The following CCDC51 variants were observed in gnomAD, a reference collection of about 807,000 sequenced individuals.
CCDC51 encodes the protein coiled-coil domain containing 51.
CCDC51 carries 25 observed loss-of-function variants against 24.8 expected under a neutral mutation model. That is an observed-to-expected ratio of 1.01 (90% CI 0.73 to 1.41). The LOEUF (loss-of-function observed/expected upper bound fraction) is 1.41, where lower values mean the gene tolerates loss of function less well. Among genes scored for constraint, CCDC51 ranks in the 40% most tolerant of loss-of-function variants. The pLI, the probability that CCDC51 is intolerant of heterozygous loss-of-function variation, is 0.00. For missense variants in CCDC51, 466 were observed against 519.1 expected (o/e 0.90, Z 0.99); for synonymous variants, 190 against 204.3 (o/e 0.93, Z 0.60).
At chr3:48,441,088 T>G (rs143584677), upstream of CCDC51, 64 of 161,108 alleles carry the variant, frequency 4.0e-4, no homozygotes, top group African/African-American at 1.5e-3. Flanking sequence ...TGATCCCGGC[T>G]CACTGCAACC....
At chr3:48,440,243 G>C, upstream of CCDC51, 1 of 1,566,142 alleles carries the variant, frequency 6.4e-7, no homozygotes, top group Non-Finnish European at 8.6e-7. Context: ...GACAAAGGGT[G>C]GGGCAGACGC....
At chr3:48,438,752 G>C (rs1193726809) in intron 1 of CCDC51, among the ~76,000 whole-genome samples, 1 of 152,202 alleles carries the variant, frequency 6.6e-6, no homozygotes, top group Admixed American at 6.5e-5. Context: ...TTTATTGTCA[G>C]TCGAGCAGTC....
At chr3:48,439,572 C>G (rs1165904600) in intron 1 of CCDC51, among the ~76,000 whole-genome samples, 1 of 151,726 alleles carries the variant, frequency 6.6e-6, no homozygotes, top group Non-Finnish European at 1.5e-5. Flanking sequence ...GCAGAGGTTG[C>G]AGTGAGCCAA....
rs2039233034 is a variant in CCDC51 at position 48,433,020 on chromosome 3, T to G, written c.624A>C (p.Ser208=). 1.2e-6 allele frequency: 2 copies of G among 1,614,100 alleles called. No individual in the cohort carries two copies. Among genetic ancestry groups the G allele is most frequent in the Non-Finnish European group, 1.7e-6 (2 of 1,180,046 alleles). The change falls in exon 4 of 4, where the codon TCA becomes TCC. Residue 208 remains serine, a synonymous_variant. Transcript: ENST00000395694. This position sits in a 1 kb window ranked among gnomAD's most constrained non-coding sequence, Gnocchi z 4.4. ...ERTKNWSLIG[S]VLGALIGVAG... is the part of the protein sequence containing the mutation. ...CCACACCAATCAGGGCCCCCAGGAC[T>G]GAGCCAATGAGGGACCAGTTCTTGG...
Position 48,432,353 on chromosome 3 carries a change from C to A in CCDC51, c.*55G>T. 6.3e-7 allele frequency: 1 copy of A among 1,596,206 alleles called. No individual in the cohort carries two copies. The highest frequency in any genetic ancestry group is 1.1e-5 in the South Asian group (1 of 89,058). ...CTCGCTTCATTGCTACGATTCTCTA[C>A]TTAAATCCACATTCACAGCTATTGC... is the stretch of plus-strand genomic sequence containing the variant. On this transcript the variant is annotated 3_prime_UTR_variant, in exon 4 of 4. Transcript: ENST00000395694.
chr3:48,442,022 C>G (rs1164462377), upstream of CCDC51, among the ~76,000 whole-genome samples: 1 of 101,386 alleles, frequency 9.9e-6, no homozygotes, highest in African/African-American at 3.5e-5. Flanking sequence ...TTATTTAAGG[C>G]TAGGAGTTCA....
At chr3:48,444,660 T>C (rs926984666), upstream of CCDC51, among the ~76,000 whole-genome samples, 3 of 152,226 alleles carry the variant, frequency 2.0e-5, no homozygotes, top group Non-Finnish European at 4.4e-5. Context: ...CATCTGTTCA[T>C]GTAAGGCGTC....
rs1366585120 is a variant in CCDC51 at position 48,432,457 on chromosome 3, G to A, written c.1187C>T (p.Thr396Ile). Residue 396 changes from threonine (T) to isoleucine (I), a missense_variant, in exon 4 of 4, where the codon ACA (threonine) becomes ATA (isoleucine). Physicochemically the swap from Thr to Ile is moderately conservative, Grantham distance 89. Transcript: ENST00000395694. Reference protein sequence around the residue: ...TIYSTLVTCVTFVATLPVLYM... With the variant: ...TIYSTLVTCVIFVATLPVLYM... Reference sequence around the variant, plus strand: ...GAGCACAGGCAGTGTGGCCACAAATGTCACACAGGTGACCAGGGTGCTATA... The same window carrying A: ...GAGCACAGGCAGTGTGGCCACAAATATCACACAGGTGACCAGGGTGCTATA... 3 of 1,614,244 alleles carry A rather than the reference G, an allele frequency of 1.9e-6. No individual in the cohort carries two copies. Among genetic ancestry groups the A allele is most frequent in the East Asian group, 2.2e-5 (1 of 44,892 alleles).
upstream of CCDC51, chr3:48,445,112 G>T (rs954413448): frequency 6.6e-6 from 1 of 152,282 alleles, no homozygotes; most frequent in Non-Finnish European, 1.5e-5. Context: ...GTTCGAGGCT[G>T]CAGTGAGCCA....
Position 48,437,118 on chromosome 3 carries a change from C to T in CCDC51, c.-8-1982G>A, listed in dbSNP as rs2039378855. Among the ~76,000 whole-genome samples, 2 of 152,238 alleles carry T rather than the reference C, an allele frequency of 1.3e-5. No homozygotes were observed. Among genetic ancestry groups the T allele is most frequent in the Non-Finnish European group, 2.9e-5 (2 of 68,046 alleles). The stretch of plus-strand genomic sequence containing the variant: ...TCTTCCTCCACGAGTCTACTCGGCT[C>T]ACCCCGACATCTTCATCTTTGCCCA... On this transcript the variant is annotated intron_variant, in intron 1 of 3. Coordinates refer to ENST00000395694, the MANE Select transcript of CCDC51 (RefSeq NM_001256964.2). This position sits in a 1 kb window ranked among gnomAD's most constrained non-coding sequence, Gnocchi z 4.2.
chr3:48,433,070 T>C lies in CCDC51; in HGVS notation c.574A>G (p.Lys192Glu), dbSNP rs142751831. 3.1e-6 allele frequency: 5 copies of C among 1,614,058 alleles called. No homozygotes were observed. The highest frequency in any genetic ancestry group is 1.1e-5 in the South Asian group (1 of 91,082). Residue 192 changes from lysine (K) to glutamate (E), a missense_variant, in exon 4 of 4, where the codon AAG (lysine) becomes GAG (glutamate). By Grantham distance (56) the Lys-to-Glu change is moderately conservative (BLOSUM62 1). Transcript: ENST00000395694. The surrounding 1 kb of genome is among the most constrained non-coding windows in gnomAD (Gnocchi z 4.4). ...GTCCTCTCAGCCCTTGTGCGCTCCT[T>C]CTCATGACTTTCCCGCACAGCTGCA... is the stretch of plus-strand genomic sequence containing the variant. The part of the protein sequence containing the change: ...FSAAVRESHE[K>E]ERTRAERTKN...
chr3:48,445,769 C>T, the CCDC51 span, among the ~76,000 whole-genome samples: 1 of 152,214 alleles, frequency 6.6e-6, no homozygotes, highest in Non-Finnish European at 1.5e-5. Flanking sequence ...AGGACACTCA[C>T]AGGTGAAGTT....
chr3:48,440,539 A>G (rs370815037), upstream of CCDC51: 3 of 1,610,896 alleles, frequency 1.9e-6, no homozygotes, highest in Admixed American at 1.7e-5. Context: ...GCCTCTCCCC[A>G]GGAAGATAAG....
At position 48,432,872 on chromosome 3, in the gene CCDC51, G is replaced by C. The variant is rs2039222368; in HGVS notation, c.772C>G (p.Gln258Glu). ...ATGAGATTGTGGAGGTCCCTCTGCT[G>C]GCGGGAGTAGCTAGACGCCTGTTCT... ...IREQASSYSR[Q>E]QRDLHNLMVD... Residue 258 changes from glutamine (Q) to glutamate (E), a missense_variant, in exon 4 of 4, where the codon CAG becomes GAG. Physicochemically the swap from Gln to Glu is conservative, Grantham distance 29. Transcript: ENST00000395694. 6.2e-7 allele frequency: 1 copy of C among 1,613,602 alleles called. No homozygotes were observed. The highest frequency in any genetic ancestry group is 1.7e-5 in the Admixed American group (1 of 59,984).
chr3:48,434,073 G>T, intron 2 of CCDC51: 3 of 1,197,692 alleles, frequency 2.5e-6, no homozygotes, highest in Non-Finnish European at 2.2e-6. Context: ...AGAATCACGA[G>T]ATTTAGCCAT....
upstream of CCDC51, chr3:48,443,813 ATTT>A (rs763741696): frequency 5.2e-6 from 8 of 1,539,372 alleles, no homozygotes; most frequent in East Asian, 1.7e-4. Flanking sequence ...TAAGAACTAT[ATTT>A]TTCCCTAATT....
In CCDC51 at chr3:48,435,779, AAAAAC is replaced by A. The variant is rs564538294; in HGVS notation, c.-8-648_-8-644del. 1.1e-4 allele frequency among the ~76,000 whole-genome samples: 17 copies of A among 152,248 alleles called. 1 individual carries two copies. Among genetic ancestry groups the A allele is most frequent in the Middle Eastern group, 3.4e-3 (1 of 294 alleles). On this transcript the variant is annotated intron_variant, in intron 1 of 3. Transcript: ENST00000395694. This position sits in a 1 kb window ranked among gnomAD's most constrained non-coding sequence, Gnocchi z 4.2. ...CTCTAAGATAATTCCAGGGGCAAAAAAAAACAAAACAAAACTGTTTTTGCCACAGA... is the reference window on the plus strand; with the variant it reads ...CTCTAAGATAATTCCAGGGGCAAAAAAAAACAAAACTGTTTTTGCCACAGA...
At chr3:48,445,741 G>A in the CCDC51 span, among the ~76,000 whole-genome samples, 8 of 152,260 alleles carry the variant, frequency 5.3e-5, 1 homozygote, top group Admixed American at 4.6e-4. Context: ...TTCATTTAAT[G>A]CTTTCACAAA....
upstream of CCDC51, chr3:48,440,465 G>A: frequency 1.2e-6 from 2 of 1,611,946 alleles, no homozygotes; most frequent in Non-Finnish European, 1.7e-6. Context: ...CGAGGTGAGG[G>A]CGGGCGCGGA....
Sources: allele counts gnomAD v4.1 joint callset (sites outside exome capture counted in the v4.1 genomes callset), GRCh38; gene constraint gnomAD v4.1.1; non-coding constraint Gnocchi (gnomAD v3.1); transcripts MANE v1.5; gene names NCBI Gene and HGNC (gene_info 2026-07-23, HGNC 2026-07-21).